The following ZNF131 variants were observed in gnomAD, a reference collection of about 807,000 sequenced individuals.
ZNF131 encodes the protein zinc finger protein 131.
ZNF131 carries 7 observed loss-of-function variants against 60.0 expected under a neutral mutation model. The ratio of observed to expected loss-of-function variants is 0.12; its 90% CI spans 0.07 to 0.22. The LOEUF is 0.22. Among genes scored for constraint, ZNF131 ranks in the 10% least tolerant of loss-of-function variants. The probability of loss-of-function intolerance (pLI) is 1.00; values close to 1 mark genes in which losing one functional copy is unlikely to be tolerated. For missense variants in ZNF131, 493 were observed against 740.9 expected (o/e 0.67, Z 3.88); for synonymous variants, 257 against 253.2 (o/e 1.01, Z -0.14).
At chr5:43,171,269 A>G (rs72752504) in intron 5 of ZNF131, among the ~76,000 whole-genome samples, 27,354 of 152,054 alleles carry the variant, frequency 0.18, 2,872 homozygotes, top group Middle Eastern at 0.33. Context: ...CTTTTATTCT[A>G]GAGAAAGAGG....
At chr5:43,150,855 T>C (rs1748217063) in intron 4 of ZNF131, among the ~76,000 whole-genome samples, 1 of 152,208 alleles carries the variant, frequency 6.6e-6, no homozygotes, top group Admixed American at 6.5e-5. Flanking sequence ...AAGGATTTAT[T>C]GAAGTCAACA....
chr5:43,136,641 T>C (rs1166284533), intron 3 of ZNF131, among the ~76,000 whole-genome samples: 1 of 134,298 alleles, frequency 7.4e-6, no homozygotes, highest in Non-Finnish European at 1.6e-5. Context: ...TTTTTTCTTT[T>C]TTCTTTTTCT....
intron 4 of ZNF131, among the ~76,000 whole-genome samples, chr5:43,140,499 T>G (rs777116956): frequency 8.5e-5 from 13 of 152,212 alleles, no homozygotes; most frequent in Non-Finnish European, 1.8e-4. Context: ...GCAAAGTGTT[T>G]AGCATGGTGT....
intron 1 of ZNF131, among the ~76,000 whole-genome samples, chr5:43,121,355 C>T (rs1257809748): frequency 6.6e-6 from 1 of 152,220 alleles, no homozygotes; most frequent in South Asian, 2.1e-4. Flanking sequence ...CCACCGCTGC[C>T]CGGTTTCTTC....
chr5:43,168,285 C>G (rs1750599922), intron 5 of ZNF131, among the ~76,000 whole-genome samples: 1 of 152,194 alleles, frequency 6.6e-6, no homozygotes, highest in East Asian at 1.9e-4. Context: ...GGGTCATTAC[C>G]CTTTGATGAC....
At chr5:43,139,365 T>A in intron 4 of ZNF131, 56 bp downstream of exon 4, 1 of 1,449,120 alleles carries the variant, frequency 6.9e-7, no homozygotes, top group Non-Finnish European at 9.2e-7. Context: ...GTTCATTCTG[T>A]TAGTGAAGAA....
intron 4 of ZNF131, among the ~76,000 whole-genome samples, chr5:43,147,764 T>C (rs2111663022): frequency 6.6e-6 from 1 of 151,446 alleles, no homozygotes; most frequent in African/African-American, 2.4e-5. Context: ...GGAAGTTTTT[T>C]GGTTTTATGG....
At chr5:43,125,949 T>A (rs1374804305) in intron 3 of ZNF131, among the ~76,000 whole-genome samples, 6 of 152,190 alleles carry the variant, frequency 3.9e-5, no homozygotes, top group Admixed American at 3.3e-4. Flanking sequence ...TCTAGATAGA[T>A]AAGAAAGCAA....
chr5:43,157,029 G>C (rs1749050158), intron 4 of ZNF131, among the ~76,000 whole-genome samples: 2 of 152,186 alleles, frequency 1.3e-5, no homozygotes, highest in African/African-American at 4.8e-5. Flanking sequence ...ATTCCCTGGT[G>C]AGAATCTTCA....
At chr5:43,170,740 C>T (rs1750878629) in intron 5 of ZNF131, among the ~76,000 whole-genome samples, 1 of 149,882 alleles carries the variant, frequency 6.7e-6, no homozygotes, top group Non-Finnish European at 1.5e-5. Context: ...TCAAGTGATT[C>T]TCCTGCCTCA....
chr5:43,160,183 CAAAACAAAAAAA>C (rs1036311430), intron 4 of ZNF131, among the ~76,000 whole-genome samples: 11 of 125,238 alleles, frequency 8.8e-5, no homozygotes, highest in South Asian at 2.5e-4. Context: ...CTCAAAAAAA[CAAAACAAAAAAA>C]AAAACAAAAA....
chr5:43,121,344 C>G (rs1233805077), intron 1 of ZNF131, among the ~76,000 whole-genome samples: 1 of 152,198 alleles, frequency 6.6e-6, no homozygotes, highest in African/African-American at 2.4e-5. Context: ...GTAGCCCAAG[C>G]CCACCGCTGC....
At chr5:43,154,130 G>A (rs1377379029) in intron 4 of ZNF131, among the ~76,000 whole-genome samples, 1 of 152,150 alleles carries the variant, frequency 6.6e-6, no homozygotes. Context: ...GTGTCAGCAT[G>A]GTGGGGCGGG....
At chr5:43,141,581 C>T (rs920555954) in intron 4 of ZNF131, among the ~76,000 whole-genome samples, 1 of 151,976 alleles carries the variant, frequency 6.6e-6, no homozygotes, top group Non-Finnish European at 1.5e-5. Context: ...CCAGCCTGGG[C>T]ACCATGGTGA....
Position 43,161,796 on chromosome 5 carries a change from C to G in ZNF131, c.919C>G (p.Leu307Val), listed in dbSNP as rs1749725771. The change falls in exon 5 of 7, where the codon CTA (leucine) becomes GTA (valine). Residue 307 changes from leucine (L) to valine (V), a missense_variant. Physicochemically the swap from Leu to Val is conservative, Grantham distance 32 (BLOSUM62 1). This residue lies in a region of ZNF131 where 26 missense variants were observed against 63.3 expected (regional missense o/e 0.41). Transcript: ENST00000682664. ...YLRESAWKQH[L>V]NCYHLEEGGV... is the part of the protein sequence containing the mutation. ...TCGAGAGAGCGCATGGAAACAGCAC[C>G]TAAATTGTTACCACCTTGAAGAAGG... 6.2e-7 allele frequency: 1 copy of G among 1,614,136 alleles called. No individual in the cohort carries two copies. Among genetic ancestry groups the G allele is most frequent in the Non-Finnish European group, 8.5e-7 (1 of 1,180,022 alleles).
At chr5:43,132,463 C>A (rs1745473099) in intron 3 of ZNF131, among the ~76,000 whole-genome samples, 1 of 150,358 alleles carries the variant, frequency 6.7e-6, no homozygotes, top group South Asian at 2.1e-4. Context: ...CATGGAAGAG[C>A]TGTGAGTAAA....
At chr5:43,163,157 T>C (rs1162593625) in intron 5 of ZNF131, among the ~76,000 whole-genome samples, 1 of 151,600 alleles carries the variant, frequency 6.6e-6, no homozygotes, top group Non-Finnish European at 1.5e-5. Flanking sequence ...GTATTTTTAG[T>C]AGAGACGGGG....
intron 3 of ZNF131, among the ~76,000 whole-genome samples, chr5:43,125,879 T>A (rs1311878778): frequency 2.0e-5 from 3 of 152,214 alleles, no homozygotes; most frequent in African/African-American, 7.2e-5. Flanking sequence ...CCTGGTCTTC[T>A]GAAGACTAGT....
At chr5:43,161,976 C>T in intron 5 of ZNF131, 45 bp downstream of exon 5, 5 of 1,503,262 alleles carry the variant, frequency 3.3e-6, no homozygotes, top group Non-Finnish European at 4.4e-6. Context: ...CCCACATGCA[C>T]TTCAAATTTA....
Sources: allele counts gnomAD v4.1 joint callset (sites outside exome capture counted in the v4.1 genomes callset), GRCh38; gene constraint gnomAD v4.1.1; regional missense constraint gnomAD v4.1.1; transcripts MANE v1.5; gene names NCBI Gene and HGNC (gene_info 2026-07-23, HGNC 2026-07-21).